FOCAD: variants seen among roughly 807,000 people sequenced by gnomAD.
The protein encoded by FOCAD is focadhesin.
FOCAD carries 198 observed loss-of-function variants against 225.6 expected under a neutral mutation model. That is an observed-to-expected ratio of 0.88 (90% CI 0.78 to 0.99). FOCAD has a LOEUF of 0.99. Ranked by LOEUF, FOCAD falls within the 50% of genes least tolerant of loss-of-function variation. The pLI is 0.00. For missense variants in FOCAD, 2,713 were observed against 2,123.6 expected, an observed-to-expected ratio of 1.28 and a Z score of -5.46; for synonymous variants, 897 against 755.0, an observed-to-expected ratio of 1.19 and a Z score of -3.08.
chr9:20,809,676 A>G (rs934901075), intron 11 of FOCAD, among the ~76,000 whole-genome samples: 6 of 152,130 alleles, frequency 3.9e-5, no homozygotes, highest in South Asian at 2.1e-4. Context: ...TTTAAAGTTG[A>G]GTTCAAGTTA....
rs12353053 is a variant in FOCAD at position 20,893,047 on chromosome 9, C to T, written c.2625+7817C>T. ...AAAAATTTTTAGTGATAGGACCTCA[C>T]TATGTTGCCCAGGCTGGAGTGCAGT... On this transcript the variant is annotated intron_variant, in intron 21 of 43. Coordinates refer to ENST00000338382, the MANE Select transcript of FOCAD (RefSeq NM_001375567.1). Among the ~76,000 whole-genome samples the T allele has an allele frequency of 3.2e-3, 490 of 152,158 alleles. 3 individuals are homozygous for T. The highest frequency in any genetic ancestry group is 0.011 in the African/African-American group (477 of 41,508).
Position 20,933,021 on chromosome 9 carries a change from T to C in FOCAD, c.3325T>C (p.Ser1109Pro), listed in dbSNP as rs1443484556. 1 of 1,613,144 alleles carries C rather than the reference T, an allele frequency of 6.2e-7. No individual in the cohort carries two copies. The highest frequency in any genetic ancestry group is 1.3e-5 in the African/African-American group (1 of 74,878). ...RLCEEKLSDI[S>P]GQEMNLLLMK... ...CCCTTGATCTTTAACCAGTGATATA[T>C]CTGGCCAAGAGATGAACCTTCTTCT... The change falls in exon 28 of 44, where the codon TCT becomes CCT. Residue 1109 changes from serine (S) to proline (P), a missense_variant. Coordinates refer to ENST00000338382, the MANE Select transcript of FOCAD (RefSeq NM_001375567.1).
chr9:20,656,392 T>C (rs183525323), upstream of FOCAD, among the ~76,000 whole-genome samples: 1 of 152,100 alleles, frequency 6.6e-6, no homozygotes, highest in Non-Finnish European at 1.5e-5. Context: ...AAGTCTCCCA[T>C]TATTATTGTG....
At chr9:20,748,995 A>G (rs1488106016) in intron 5 of FOCAD, among the ~76,000 whole-genome samples, 3 of 152,148 alleles carry the variant, frequency 2.0e-5, no homozygotes, top group South Asian at 2.1e-4. Context: ...GTTTTTGCCT[A>G]TTATCCTATT....
At chr9:20,849,838 C>G (rs542165897) in intron 15 of FOCAD, among the ~76,000 whole-genome samples, 1 of 151,970 alleles carries the variant, frequency 6.6e-6, no homozygotes, top group East Asian at 1.9e-4. Context: ...CCTTTCTACT[C>G]TGCAAAAAGA....
At chr9:20,809,485 A>G in intron 11 of FOCAD, among the ~76,000 whole-genome samples, 1 of 152,144 alleles carries the variant, frequency 6.6e-6, no homozygotes, top group East Asian at 1.9e-4. Flanking sequence ...AAATAGCCAA[A>G]TGTGGCTAGT....
intron 28 of FOCAD, among the ~76,000 whole-genome samples, chr9:20,938,332 A>G (rs1463427787): frequency 2.6e-5 from 4 of 152,154 alleles, no homozygotes; most frequent in African/African-American, 7.2e-5. Flanking sequence ...AACCAACCCA[A>G]ATGTCCAACA....
At chr9:20,686,381 T>TCCTGACCTCAAGTGATCCCTCC (rs1822669441) in intron 1 of FOCAD, among the ~76,000 whole-genome samples, 1 of 152,164 alleles carries the variant, frequency 6.6e-6, no homozygotes, top group African/African-American at 2.4e-5. Context: ...GGTCTCGAAA[T>TCCTGACCTCAAGTGATCCCTCC]CCTGACCTCA....
chr9:20,729,571 T>G (rs556498623), intron 4 of FOCAD, among the ~76,000 whole-genome samples: 1 of 152,338 alleles, frequency 6.6e-6, no homozygotes, highest in Admixed American at 6.5e-5. Flanking sequence ...AATTTAACTT[T>G]CTGCTCACTG....
chr9:20,799,338 A>T (rs1427981954), intron 11 of FOCAD, among the ~76,000 whole-genome samples: 1 of 152,086 alleles, frequency 6.6e-6, no homozygotes, highest in Non-Finnish European at 1.5e-5. Flanking sequence ...TTTGGGGTGG[A>T]GATTTCTGTA....
chr9:20,805,345 A>T (rs1401865773), intron 11 of FOCAD, among the ~76,000 whole-genome samples: 2 of 152,186 alleles, frequency 1.3e-5, no homozygotes, highest in African/African-American at 4.8e-5. Context: ...TGGGAACCAG[A>T]GTTCCTTTCC....
intron 37 of FOCAD, among the ~76,000 whole-genome samples, chr9:20,978,853 C>T (rs763089762): frequency 2.2e-4 from 33 of 151,284 alleles, no homozygotes; most frequent in Non-Finnish European, 4.1e-4. Context: ...TTATCCTTCC[C>T]CTTTCCCAGA....
chr9:20,977,883 A>G (rs1016990719), intron 36 of FOCAD, among the ~76,000 whole-genome samples: 1 of 152,178 alleles, frequency 6.6e-6, no homozygotes, highest in African/African-American at 2.4e-5. Flanking sequence ...AGAGAAAGGA[A>G]GGAAAATAAG....
chr9:20,926,262 T>C (rs1396810112), intron 25 of FOCAD, 39 bp from the exon 26 acceptor site: 1 of 1,190,368 alleles, frequency 8.4e-7, no homozygotes, highest in Admixed American at 1.8e-5. Flanking sequence ...TTAGATTTGT[T>C]TTCTCTGTAA....
intron 11 of FOCAD, among the ~76,000 whole-genome samples, chr9:20,814,193 T>G (rs1018945798): frequency 5.9e-5 from 9 of 152,186 alleles, no homozygotes; most frequent in Non-Finnish European, 8.8e-5. Context: ...TTGAAAGTAC[T>G]TAGTGGTAGG....
chr9:20,787,396 A>G (rs1430065760), intron 10 of FOCAD, among the ~76,000 whole-genome samples: 3 of 152,174 alleles, frequency 2.0e-5, no homozygotes, highest in Non-Finnish European at 2.9e-5. Flanking sequence ...CAAACGAGTA[A>G]AGAGAGGCTT....
At chr9:20,860,175 T>C (rs752630195) in intron 15 of FOCAD, among the ~76,000 whole-genome samples, 1 of 152,200 alleles carries the variant, frequency 6.6e-6, no homozygotes, top group Non-Finnish European at 1.5e-5. Flanking sequence ...AATACAGTTA[T>C]TGAAACTAGG....
rs1038278408 is a variant in FOCAD at position 20,943,153 on chromosome 9, G to A, written c.3408-1474G>A. Reference sequence around the variant, plus strand: ...AATCAAGAGTAGCCTTTCCTCTTCCGTAAATGTGATTAGTCTCAAAAGCAT... The same window carrying A: ...AATCAAGAGTAGCCTTTCCTCTTCCATAAATGTGATTAGTCTCAAAAGCAT... On this transcript the variant is annotated intron_variant, in intron 28 of 43. Transcript: ENST00000338382. 7.9e-5 allele frequency among the ~76,000 whole-genome samples: 12 copies of A among 152,226 alleles called. 1 individual carries two copies. In the South Asian group the frequency reaches 2.5e-3, roughly 32 times the overall value.
chr9:20,943,150 TC>T (rs1302230636), intron 28 of FOCAD, among the ~76,000 whole-genome samples: 1 of 152,204 alleles, frequency 6.6e-6, no homozygotes, highest in Admixed American at 6.5e-5. Flanking sequence ...CCTTTCCTCT[TC>T]CGTAAATGTG....
Sources: gnomAD v4.1 joint callset for allele counts (sites outside exome capture counted in the v4.1 genomes callset) on GRCh38, gnomAD v4.1.1 for gene constraint, MANE v1.5 for transcripts, NCBI Gene and HGNC (gene_info 2026-07-23, HGNC 2026-07-21) for gene names.